Variants in ZC3H3 observed in about 807,000 individuals in gnomAD.
The protein encoded by ZC3H3 is zinc finger CCCH domain-containing protein 3.
In ZC3H3, 36 loss-of-function variants were observed where a neutral mutation model predicts 77.3. The observed-to-expected ratio is 0.47, with a 90% confidence interval of 0.36 to 0.61. The LOEUF is 0.61. Among genes scored for constraint, ZC3H3 ranks in the 20% least tolerant of loss-of-function variants. The probability of loss-of-function intolerance (pLI) is 0.00; values close to 1 mark genes in which losing one functional copy is unlikely to be tolerated. For missense variants in ZC3H3, 1,331 were observed against 1,312.2 expected, an observed-to-expected ratio of 1.01 and a Z score of -0.22; for synonymous variants, 626 against 555.2, an observed-to-expected ratio of 1.13 and a Z score of -1.79.
intron 4 of ZC3H3, among the ~76,000 whole-genome samples, chr8:143,483,163 A>G (rs1249142620): frequency 6.6e-6 from 1 of 152,228 alleles, no homozygotes; most frequent in Non-Finnish European, 1.5e-5. Context: ...GCGGCGCCGC[A>G]GCGAATCCCC....
At position 143,440,064 on chromosome 8, in the gene ZC3H3, C is replaced by G. The variant is rs1350708553; in HGVS notation, c.2792G>C (p.Arg931Thr). ...ACCTGAGTCCTTGGTGAGGGGGGCC[C>G]TAGGGGCCCGGACCCTGGGCTGGGC... is the stretch of plus-strand genomic sequence containing the variant. ...PGAQPRVRAP[R>T]APLTKDSGKP... is the part of the protein sequence containing the mutation. The change falls in exon 11 of 12, where the codon AGG (arginine) becomes ACG (threonine). Residue 931 changes from arginine to threonine, a missense_variant. Physicochemically the swap from Arg to Thr is moderately conservative, Grantham distance 71. Around this residue, in one of 3 missense-constraint regions of ZC3H3, gnomAD observed 249 missense variants for 236.9 expected, o/e 1.05. Transcript: ENST00000262577. 1 of 1,571,202 alleles carries G rather than the reference C, an allele frequency of 6.4e-7. No individual in the cohort carries two copies. The highest frequency in any genetic ancestry group is 8.6e-7 in the Non-Finnish European group (1 of 1,159,320).
intron 3 of ZC3H3, among the ~76,000 whole-genome samples, chr8:143,512,757 C>T (rs1821910788): frequency 6.6e-6 from 1 of 152,258 alleles, no homozygotes; most frequent in African/African-American, 2.4e-5. Context: ...GCACCTTCAG[C>T]CCCACAGCCG....
intron 8 of ZC3H3, among the ~76,000 whole-genome samples, chr8:143,466,796 C>G (rs987641409): frequency 6.6e-6 from 1 of 152,214 alleles, no homozygotes; most frequent in Non-Finnish European, 1.5e-5. Flanking sequence ...CTTCCTCCCT[C>G]CTGGGTCAGA....
At chr8:143,456,864 TCTCTAAACA>T (rs1241325670) in intron 9 of ZC3H3, among the ~76,000 whole-genome samples, 3 of 152,046 alleles carry the variant, frequency 2.0e-5, no homozygotes, top group African/African-American at 7.3e-5. Flanking sequence ...CGAGACCCAG[TCTCTAAACA>T]AACAACAACA....
chr8:143,498,048 C>T (rs1234594998), intron 4 of ZC3H3, among the ~76,000 whole-genome samples: 1 of 152,210 alleles, frequency 6.6e-6, no homozygotes, highest in African/African-American at 2.4e-5. Flanking sequence ...CAACACACAC[C>T]GGGTGAGCGA....
chr8:143,479,002 A>G (rs1820829529), intron 4 of ZC3H3, among the ~76,000 whole-genome samples: 1 of 152,210 alleles, frequency 6.6e-6, no homozygotes, highest in Admixed American at 6.5e-5. Context: ...GAATGTTCCC[A>G]GCCCCCCACT....
intron 4 of ZC3H3, among the ~76,000 whole-genome samples, chr8:143,490,501 G>A (rs933079417): frequency 6.6e-6 from 1 of 152,252 alleles, no homozygotes; most frequent in Non-Finnish European, 1.5e-5. Context: ...GGGGCCCTGG[G>A]ACAAGGTAGG....
chr8:143,498,741 G>C (rs1821428101), intron 4 of ZC3H3, among the ~76,000 whole-genome samples: 1 of 147,090 alleles, frequency 6.8e-6, no homozygotes, highest in South Asian at 2.2e-4. Context: ...GCACAGGGCG[G>C]GGCGGAGGGG....
At position 143,440,262 on chromosome 8, in the gene ZC3H3, G is replaced by A. The variant is rs371950742; in HGVS notation, c.2594C>T (p.Ala865Val). The change falls in exon 11 of 12, where the codon GCC becomes GTC. Residue 865 changes from alanine (A) to valine (V), a missense_variant. By Grantham distance (64) the Ala-to-Val change is moderately conservative (BLOSUM62 0). Coordinates refer to ENST00000262577, the MANE Select transcript of ZC3H3 (RefSeq NM_015117.3). ...AAPPHCPGGS[A>V]SPSSSKASSS... ...GGAAGCCTTCGAGGATGAGGGAGAGGCTGACCCCCCTGGGCAGTGGGGAGG... is the reference window on the plus strand; with the variant it reads ...GGAAGCCTTCGAGGATGAGGGAGAGACTGACCCCCCTGGGCAGTGGGGAGG... 2 of 1,592,922 alleles carry A rather than the reference G, an allele frequency of 1.3e-6. No homozygotes were observed. The highest frequency in any genetic ancestry group is 1.1e-5 in the South Asian group (1 of 88,292).
intron 3 of ZC3H3, among the ~76,000 whole-genome samples, chr8:143,536,018 C>T (rs1360274044): frequency 6.6e-6 from 1 of 152,214 alleles, no homozygotes; most frequent in Non-Finnish European, 1.5e-5. Context: ...TACCAAGGGA[C>T]ACACAGAAGA....
intron 3 of ZC3H3, among the ~76,000 whole-genome samples, chr8:143,525,976 G>A (rs1381025439): frequency 6.6e-6 from 1 of 152,244 alleles, no homozygotes; most frequent in Non-Finnish European, 1.5e-5. Context: ...GCATCGGCCT[G>A]CGGCTGGCCC....
intron 9 of ZC3H3, among the ~76,000 whole-genome samples, chr8:143,448,867 C>T (rs1361830458): frequency 1.3e-5 from 2 of 152,266 alleles, no homozygotes; most frequent in African/African-American, 4.8e-5. Context: ...GGCTTTTCCA[C>T]GTATCCTCTG....
At chr8:143,479,929 G>C (rs1820862675) in intron 4 of ZC3H3, among the ~76,000 whole-genome samples, 1 of 152,242 alleles carries the variant, frequency 6.6e-6, no homozygotes, top group South Asian at 2.1e-4. Context: ...CTTAGGAGTA[G>C]CTGGAAACTT....
At chr8:143,482,946 G>A (rs528015349) in intron 4 of ZC3H3, among the ~76,000 whole-genome samples, 16 of 152,342 alleles carry the variant, frequency 1.1e-4, no homozygotes, top group East Asian at 1.9e-4. Context: ...CTTCTAGGCC[G>A]GGGTTGTGTC....
rs1285031427 is a variant in ZC3H3 at position 143,541,372 on chromosome 8, C to T, written c.46+4G>A. The stretch of plus-strand genomic sequence containing the variant: ...ACTCGCGTCCCGGCCCCGGCCGGAC[C>T]TACCCTGCAGTAGGCGGATCTGCCG... On this transcript the variant is annotated splice_donor_region_variant and intron_variant, in intron 1 of 11. Transcript: ENST00000262577. The T allele has an allele frequency of 6.2e-7, 1 of 1,610,290 alleles. No homozygotes were observed. Among genetic ancestry groups the T allele is most frequent in the Non-Finnish European group, 8.5e-7 (1 of 1,178,944 alleles).
intron 9 of ZC3H3, among the ~76,000 whole-genome samples, chr8:143,447,684 T>C (rs1359669922): frequency 6.6e-6 from 1 of 152,096 alleles, no homozygotes; most frequent in Non-Finnish European, 1.5e-5. Flanking sequence ...AAGCTTCCAA[T>C]CATGGCAGAA....
chr8:143,499,267 G>A lies in ZC3H3; in HGVS notation c.1715+8479C>T, dbSNP rs559814662. Among the ~76,000 whole-genome samples, 7 of 152,244 alleles carry A rather than the reference G, an allele frequency of 4.6e-5. No homozygotes were observed. In the East Asian group the frequency reaches 1.4e-3, roughly 29 times the overall value. Reference sequence around the variant, plus strand: ...ATGTCCTGGGTTCTCTGGACAGAGGGATGAGGGGGCCTGGAGGTTGAGGAT... The same window carrying A: ...ATGTCCTGGGTTCTCTGGACAGAGGAATGAGGGGGCCTGGAGGTTGAGGAT... On this transcript the variant is annotated intron_variant, in intron 4 of 11. Transcript: ENST00000262577.
At chr8:143,457,067 A>G (rs1396925410) in intron 9 of ZC3H3, among the ~76,000 whole-genome samples, 1 of 152,236 alleles carries the variant, frequency 6.6e-6, no homozygotes, top group African/African-American at 2.4e-5. Flanking sequence ...AAGGATATAG[A>G]GAACTCAAAA....
At chr8:143,476,100 G>T (rs1326924822) in intron 4 of ZC3H3, among the ~76,000 whole-genome samples, 1 of 152,158 alleles carries the variant, frequency 6.6e-6, no homozygotes, top group Non-Finnish European at 1.5e-5. Context: ...CGGCTTCAAG[G>T]CTGGGGCTAT....
Sources: allele counts gnomAD v4.1 joint callset (sites outside exome capture counted in the v4.1 genomes callset), GRCh38; gene constraint gnomAD v4.1.1; regional missense constraint gnomAD v4.1.1; transcripts MANE v1.5; gene names NCBI Gene and HGNC (gene_info 2026-07-23, HGNC 2026-07-21).